Variants in PTPRD observed in about 807,000 individuals in gnomAD.
PTPRD encodes receptor-type tyrosine-protein phosphatase delta.
A neutral mutation model predicts 214.5 loss-of-function variants in PTPRD; 34 were observed. That is an observed-to-expected ratio of 0.16 (90% CI 0.12 to 0.21). PTPRD has a LOEUF of 0.21. Among genes scored for constraint, PTPRD ranks in the 10% least tolerant of loss-of-function variants. The pLI, the probability that PTPRD is intolerant of heterozygous loss-of-function variation, is 1.00. For synonymous variants in PTPRD, 1,128 were observed against 845.7 expected (o/e 1.33, Z -5.79); for missense variants, 2,545 against 2,398.7 (o/e 1.06, Z -1.27).
At chr9:9,480,012 A>G (rs1404271994) in intron 8 of PTPRD, among the ~76,000 whole-genome samples, 1 of 152,210 alleles carries the variant, frequency 6.6e-6, no homozygotes, top group Non-Finnish European at 1.5e-5. Context: ...CATGAGCAAG[A>G]ATAATGGTAA....
chr9:9,932,043 A>G (rs1461833781), intron 5 of PTPRD, among the ~76,000 whole-genome samples: 3 of 151,474 alleles, frequency 2.0e-5, no homozygotes, highest in African/African-American at 4.9e-5. Flanking sequence ...AAACTAACAA[A>G]CAGAAAGGAC....
intron 11 of PTPRD, among the ~76,000 whole-genome samples, chr9:8,956,011 T>C (rs2099129765): frequency 6.6e-6 from 1 of 151,952 alleles, no homozygotes; most frequent in Admixed American, 6.6e-5. Context: ...TCAAGTATCC[T>C]TTAGAAAGTA....
At chr9:9,176,510 T>C (rs2099924969) in intron 10 of PTPRD, among the ~76,000 whole-genome samples, 1 of 152,174 alleles carries the variant, frequency 6.6e-6, no homozygotes, top group South Asian at 2.1e-4. Flanking sequence ...AATAGACCCA[T>C]GTTAATTGCT....
chr9:9,190,176 G>A (rs2099934229), intron 9 of PTPRD, among the ~76,000 whole-genome samples: 3 of 152,032 alleles, frequency 2.0e-5, no homozygotes, highest in Admixed American at 2.0e-4. Context: ...TGTTCTCATT[G>A]GTAGATTAAT....
chr9:8,775,623 C>T (rs551944145), intron 11 of PTPRD, among the ~76,000 whole-genome samples: 33 of 152,248 alleles, frequency 2.2e-4, no homozygotes, highest in Non-Finnish European at 3.7e-4. Flanking sequence ...GGTACATACA[C>T]AGGTTTACTG....
At chr9:8,738,278 C>A (rs749040518) in intron 11 of PTPRD, among the ~76,000 whole-genome samples, 1 of 152,162 alleles carries the variant, frequency 6.6e-6, no homozygotes, top group African/African-American at 2.4e-5. Context: ...CTATCCAACT[C>A]TTTTTCTTCA....
intron 39 of PTPRD, among the ~76,000 whole-genome samples, chr9:8,355,281 A>C (rs1476535835): frequency 6.6e-6 from 1 of 152,264 alleles, no homozygotes; most frequent in Non-Finnish European, 1.5e-5. Flanking sequence ...AACAGAAGCA[A>C]ATGCCAGTAT....
At chr9:8,742,111 A>C (rs1328146942) in intron 11 of PTPRD, among the ~76,000 whole-genome samples, 1 of 152,156 alleles carries the variant, frequency 6.6e-6, no homozygotes, top group African/African-American at 2.4e-5. Flanking sequence ...TCAAGCTATA[A>C]GACATTAGTT....
At chr9:8,947,401 T>A (rs2099072269) in intron 11 of PTPRD, among the ~76,000 whole-genome samples, 1 of 149,254 alleles carries the variant, frequency 6.7e-6, no homozygotes. Flanking sequence ...AGGCAGAGCT[T>A]GCTGTGAGCT....
intron 10 of PTPRD, among the ~76,000 whole-genome samples, chr9:9,062,879 G>A (rs984362048): frequency 3.9e-5 from 6 of 152,078 alleles, no homozygotes; most frequent in Non-Finnish European, 8.8e-5. Context: ...AATAACTTCC[G>A]CTTATGTCAC....
intron 2 of PTPRD, among the ~76,000 whole-genome samples, chr9:10,531,421 TA>T (rs2056268786): frequency 6.6e-6 from 1 of 152,240 alleles, no homozygotes; most frequent in East Asian, 1.9e-4. Flanking sequence ...ACAGACAGAA[TA>T]CTCAAAGACA....
chr9:9,168,565 T>C (rs1028099033), intron 10 of PTPRD, among the ~76,000 whole-genome samples: 1 of 152,108 alleles, frequency 6.6e-6, no homozygotes, highest in Admixed American at 6.6e-5. Flanking sequence ...TACAGTTGAA[T>C]ATAAAGAAAT....
intron 14 of PTPRD, among the ~76,000 whole-genome samples, chr9:8,576,255 T>C: frequency 6.6e-6 from 1 of 152,296 alleles, no homozygotes; most frequent in South Asian, 2.1e-4. Context: ...TGTCAATACC[T>C]ATAATAACTA....
chr9:9,633,099 A>G (rs1367800386), intron 7 of PTPRD, among the ~76,000 whole-genome samples: 1 of 152,146 alleles, frequency 6.6e-6, no homozygotes, highest in African/African-American at 2.4e-5. Flanking sequence ...GTTCGAGACC[A>G]TCCTGGCCAA....
At chr9:8,555,524 G>A (rs2083460294) in intron 14 of PTPRD, among the ~76,000 whole-genome samples, 1 of 152,180 alleles carries the variant, frequency 6.6e-6, no homozygotes, top group Admixed American at 6.5e-5. Context: ...TTTCCCCATG[G>A]GTAATTTGAT....
chr9:8,583,318 C>T (rs981297795), intron 14 of PTPRD, among the ~76,000 whole-genome samples: 1 of 151,972 alleles, frequency 6.6e-6, no homozygotes. Flanking sequence ...GGTTGGGGAC[C>T]CCTGATTTAG....
intron 2 of PTPRD, among the ~76,000 whole-genome samples, chr9:10,561,905 G>A (rs1590960465): frequency 2.0e-5 from 3 of 152,090 alleles, no homozygotes; most frequent in African/African-American, 7.2e-5. Flanking sequence ...TTATAAATAA[G>A]TATGTATTTT....
chr9:9,097,518 C>A (rs2099785271), intron 10 of PTPRD, among the ~76,000 whole-genome samples: 1 of 151,926 alleles, frequency 6.6e-6, no homozygotes, highest in South Asian at 2.1e-4. Flanking sequence ...AAGCCATTCT[C>A]CTTCCTCAGC....
intron 8 of PTPRD, among the ~76,000 whole-genome samples, chr9:9,411,840 A>T (rs1436872777): frequency 6.6e-6 from 1 of 152,246 alleles, no homozygotes; most frequent in Non-Finnish European, 1.5e-5. Flanking sequence ...GTTTTTGAAA[A>T]GATTTTCTGT....
Sources: gnomAD v4.1 joint callset for allele counts (sites outside exome capture counted in the v4.1 genomes callset) on GRCh38, gnomAD v4.1.1 for gene constraint, MANE v1.5 for transcripts, NCBI Gene and HGNC (gene_info 2026-07-23, HGNC 2026-07-21) for gene names.